FBN2: variants seen among roughly 807,000 people sequenced by gnomAD.
The protein encoded by FBN2 is fibrillin-2.
A neutral mutation model predicts 355.6 loss-of-function variants in FBN2; 105 were observed. The ratio of observed to expected loss-of-function variants is 0.30; its 90% CI spans 0.25 to 0.35. The LOEUF (loss-of-function observed/expected upper bound fraction) is 0.35. FBN2 is among the 10% of genes least tolerant of loss of function. The pLI, the probability that FBN2 is intolerant of heterozygous loss-of-function variation, is 1.00. For missense variants in FBN2, 3,280 were observed against 3,758.7 expected (o/e 0.87, Z 3.33); for synonymous variants, 1,350 against 1,301.2 (o/e 1.04, Z -0.81).
chr5:128,405,041 G>A (rs1752890789), intron 8 of FBN2, among the ~76,000 whole-genome samples: 1 of 152,074 alleles, frequency 6.6e-6, no homozygotes, highest in African/African-American at 2.4e-5. Context: ...CGTAGTGGTG[G>A]GTGCCTGTAA....
intron 7 of FBN2, among the ~76,000 whole-genome samples, chr5:128,417,255 C>T (rs1323478854): frequency 6.6e-6 from 1 of 151,952 alleles, no homozygotes; most frequent in Non-Finnish European, 1.5e-5. Flanking sequence ...GGTTTTGGTG[C>T]AATTTTTAGG....
At chr5:128,277,799 C>T in intron 58 of FBN2, 81 bp downstream of exon 58, 2 of 1,428,746 alleles carry the variant, frequency 1.4e-6, no homozygotes, top group Non-Finnish European at 9.9e-7. Context: ...AATAAAGACA[C>T]TCTACTGATA....
chr5:128,520,818 C>A (rs1756412186), intron 4 of FBN2, among the ~76,000 whole-genome samples: 1 of 152,090 alleles, frequency 6.6e-6, no homozygotes, highest in Non-Finnish European at 1.5e-5. Flanking sequence ...GGAACCATAC[C>A]CTTCTGCTTC....
At chr5:128,383,472 G>C (rs973999580) in intron 11 of FBN2, among the ~76,000 whole-genome samples, 1 of 151,970 alleles carries the variant, frequency 6.6e-6, no homozygotes, top group African/African-American at 2.4e-5. Flanking sequence ...AATAAATAAA[G>C]CTTCGTCGGA....
intron 48 of FBN2, among the ~76,000 whole-genome samples, chr5:128,296,515 A>T (rs1262868294): frequency 6.6e-6 from 1 of 151,372 alleles, no homozygotes; most frequent in Non-Finnish European, 1.5e-5. Context: ...CAATTTCAGA[A>T]CCTGTTATTG....
Position 128,287,367 on chromosome 5 carries a change from G to A in FBN2, c.6821C>T (p.Ser2274Phe). The A allele has an allele frequency of 6.2e-7, 1 of 1,613,944 alleles. No individual in the cohort carries two copies. Among genetic ancestry groups the A allele is most frequent in the Non-Finnish European group, 8.5e-7 (1 of 1,179,878 alleles). ...GCCAATCGGGCACGTGCATTCATAGGACCCAAAAGTGTTCATGCAGCGGAA... is the reference window on the plus strand; with the variant it reads ...GCCAATCGGGCACGTGCATTCATAGAACCCAAAAGTGTTCATGCAGCGGAA... ...CAFRCMNTFG[S>F]YECTCPIGYA... Residue 2274 changes from serine to phenylalanine, a missense_variant, in exon 54 of 65, where the codon TCC (serine) becomes TTC (phenylalanine). Physicochemically the swap from Ser to Phe is radical, Grantham distance 155. Coordinates refer to ENST00000262464, the MANE Select transcript of FBN2 (RefSeq NM_001999.4).
intron 24 of FBN2, 49 bp from the exon 25 acceptor site, chr5:128,344,559 T>G: frequency 6.3e-7 from 1 of 1,591,182 alleles, no homozygotes; most frequent in Admixed American, 1.7e-5. Flanking sequence ...TATAAACGAT[T>G]AGGTCCATCA....
chr5:128,339,706 T>C (rs1750947601), intron 25 of FBN2, among the ~76,000 whole-genome samples: 1 of 152,150 alleles, frequency 6.6e-6, no homozygotes, highest in Non-Finnish European at 1.5e-5. Flanking sequence ...TGAAACCTCA[T>C]GTGTGACTGG....
intron 3 of FBN2, among the ~76,000 whole-genome samples, chr5:128,529,101 A>G (rs1405836626): frequency 6.6e-6 from 1 of 152,208 alleles, no homozygotes; most frequent in Non-Finnish European, 1.5e-5. Context: ...TAGACATGCT[A>G]CTAAGTTTCA....
At chr5:128,442,758 A>C (rs548200213) in intron 7 of FBN2, among the ~76,000 whole-genome samples, 1 of 152,234 alleles carries the variant, frequency 6.6e-6, no homozygotes, top group South Asian at 2.1e-4. Context: ...ACACACAAAC[A>C]CACCACATAC....
chr5:128,378,324 T>C (rs1319478258), intron 12 of FBN2, among the ~76,000 whole-genome samples: 2 of 152,178 alleles, frequency 1.3e-5, no homozygotes, highest in Non-Finnish European at 2.9e-5. Context: ...GGCAGTCATC[T>C]GCTAAAAGAA....
intron 5 of FBN2, among the ~76,000 whole-genome samples, chr5:128,483,695 C>G (rs372804405): frequency 1.9e-4 from 28 of 150,182 alleles, no homozygotes; most frequent in South Asian, 1.1e-3. Flanking sequence ...AAAAGTATTT[C>G]AAGTATTGAA....
chr5:128,398,221 A>C (rs1037096480), intron 8 of FBN2, among the ~76,000 whole-genome samples: 1 of 152,106 alleles, frequency 6.6e-6, no homozygotes, highest in African/African-American at 2.4e-5. Context: ...AGTCTCAAAA[A>C]ATTCTCATAA....
chr5:128,417,321 T>C (rs1224588044), intron 7 of FBN2, among the ~76,000 whole-genome samples: 1 of 152,214 alleles, frequency 6.6e-6, no homozygotes, highest in Non-Finnish European at 1.5e-5. Flanking sequence ...ATTTCCTCTT[T>C]TCTAATTTGT....
intron 9 of FBN2, among the ~76,000 whole-genome samples, chr5:128,393,992 A>G (rs1303840278): frequency 6.6e-6 from 1 of 152,180 alleles, no homozygotes; most frequent in African/African-American, 2.4e-5. Flanking sequence ...CAGAAGGAAA[A>G]AAAATTATTA....
chr5:128,529,154 G>A (rs773613863), intron 3 of FBN2, among the ~76,000 whole-genome samples: 2 of 152,178 alleles, frequency 1.3e-5, no homozygotes, highest in South Asian at 2.1e-4. Flanking sequence ...ATGGGAAAGG[G>A]AATATATGAG....
Position 128,259,262 on chromosome 5 carries a change from T to C in FBN2, c.*193A>G. On this transcript the variant is annotated 3_prime_UTR_variant, in exon 65 of 65. Transcript: ENST00000262464. The stretch of plus-strand genomic sequence containing the variant: ...AATACAGTAACCACGGTTGCCTTTG[T>C]GCTCAAATCTTTGGCCATACCAGAG... The C allele has an allele frequency of 1.5e-6, 1 of 655,870 alleles. No homozygotes were observed. The allele number at this position is 655,870 out of a possible 1,614,324, so 40.6% of individuals were successfully genotyped here.
intron 11 of FBN2, among the ~76,000 whole-genome samples, chr5:128,384,142 A>AG (rs1457886745): frequency 6.6e-6 from 1 of 152,168 alleles, no homozygotes; most frequent in Non-Finnish European, 1.5e-5. Context: ...ACAACACAGA[A>AG]GAATCACAGA....
chr5:128,424,245 A>G (rs1278732377), intron 7 of FBN2, among the ~76,000 whole-genome samples: 2 of 152,164 alleles, frequency 1.3e-5, no homozygotes, highest in East Asian at 3.9e-4. Flanking sequence ...TGTTTCAGTA[A>G]GATAAAAAAT....
Sources: gnomAD v4.1 joint callset for allele counts (sites outside exome capture counted in the v4.1 genomes callset) on GRCh38, gnomAD v4.1.1 for gene constraint, MANE v1.5 for transcripts, NCBI Gene and HGNC (gene_info 2026-07-23, HGNC 2026-07-21) for gene names.